FAM107B: variants seen among roughly 807,000 people sequenced by gnomAD.
FAM107B encodes family with sequence similarity 107 member B.
A neutral mutation model predicts 31.5 loss-of-function variants in FAM107B; 21 were observed. That is an observed-to-expected ratio of 0.67 (90% CI 0.47 to 0.96). The LOEUF (loss-of-function observed/expected upper bound fraction) is 0.96. FAM107B is among the 40% of genes least tolerant of loss of function. The pLI is 0.00. For missense variants in FAM107B, 452 were observed against 377.1 expected (o/e 1.20, Z -1.64); for synonymous variants, 157 against 141.5 (o/e 1.11, Z -0.78).
chr10:14,598,799 G>A (rs1472355039), intron 2 of FAM107B, among the ~76,000 whole-genome samples: 1 of 152,160 alleles, frequency 6.6e-6, no homozygotes, highest in African/African-American at 2.4e-5. Context: ...CAAATCTCAG[G>A]GACCACATGT....
intron 1 of FAM107B, among the ~76,000 whole-genome samples, chr10:14,676,228 A>G (rs1386834289): frequency 1.3e-5 from 2 of 152,180 alleles, no homozygotes; most frequent in African/African-American, 4.8e-5. Context: ...TTTGATGGAT[A>G]TGAATAGTCT....
chr10:14,604,133 G>A, intron 2 of FAM107B: 1 of 239,560 alleles, frequency 4.2e-6, no homozygotes, highest in Non-Finnish European at 6.5e-6. Flanking sequence ...CCGCCCGGCC[G>A]CCCGCCCGCC....
At chr10:14,594,093 T>C (rs1352870121) in intron 2 of FAM107B, among the ~76,000 whole-genome samples, 2 of 152,256 alleles carry the variant, frequency 1.3e-5, no homozygotes, top group East Asian at 1.9e-4. Flanking sequence ...GACATAATTA[T>C]GTGTTTTTAA....
intron 1 of FAM107B, among the ~76,000 whole-genome samples, chr10:14,759,953 C>T (rs892672494): frequency 1.3e-5 from 2 of 152,138 alleles, no homozygotes; most frequent in African/African-American, 4.8e-5. Flanking sequence ...CTCAGGTGAT[C>T]CACTCCCCTT....
At chr10:14,767,020 G>GTATATATATA (rs1554757965) in intron 1 of FAM107B, among the ~76,000 whole-genome samples, 7 of 30,408 alleles carry the variant, frequency 2.3e-4, no homozygotes, top group African/African-American at 5.1e-4. Flanking sequence ...TCCCTGATGT[G>GTATATATATA]TATGTATATA....
At chr10:14,611,487 TA>T (rs1852723458) in intron 2 of FAM107B, among the ~76,000 whole-genome samples, 3 of 5,824 alleles carry the variant, frequency 5.2e-4, no homozygotes, top group South Asian at 0.014. Context: ...GCCAGTTTTA[TA>T]TATATATATA....
intron 1 of FAM107B, among the ~76,000 whole-genome samples, chr10:14,749,947 C>T (rs1832795157): frequency 6.6e-6 from 1 of 152,138 alleles, no homozygotes; most frequent in African/African-American, 2.4e-5. Context: ...CTGGGAACGC[C>T]AGGAAGGCTG....
intron 2 of FAM107B, among the ~76,000 whole-genome samples, chr10:14,634,667 G>C (rs74488916): frequency 6.6e-6 from 1 of 152,162 alleles, no homozygotes; most frequent in Non-Finnish European, 1.5e-5. Context: ...GAGCAGGAAG[G>C]GTCTACATTT....
intron 1 of FAM107B, among the ~76,000 whole-genome samples, chr10:14,772,850 C>A (rs1418718437): frequency 6.6e-6 from 1 of 152,160 alleles, no homozygotes; most frequent in East Asian, 1.9e-4. Context: ...GCAACTAAAA[C>A]AGAAAGATAA....
intron 2 of FAM107B, among the ~76,000 whole-genome samples, chr10:14,655,892 C>T (rs1564615886): frequency 6.6e-6 from 1 of 152,108 alleles, no homozygotes; most frequent in African/African-American, 2.4e-5. Flanking sequence ...AATTACTCCT[C>T]AGGGGCTTGA....
intron 2 of FAM107B, among the ~76,000 whole-genome samples, chr10:14,576,827 T>C (rs1851480801): frequency 6.6e-6 from 1 of 152,208 alleles, no homozygotes; most frequent in Non-Finnish European, 1.5e-5. Context: ...AATGAAAACC[T>C]AGTTAAGAAC....
At position 14,587,396 on chromosome 10, in the gene FAM107B, C is replaced by T. The variant is rs1258812176; in HGVS notation, c.470-56881G>A. ...AAGAACTCCCATATTTATCCAATCG[C>T]GGGAAGTTGCTTAGCCCTAGAAGTC... On this transcript the variant is annotated intron_variant, in intron 2 of 4. Coordinates refer to ENST00000181796, the MANE Select transcript of FAM107B (RefSeq NM_031453.4). Among the ~76,000 whole-genome samples the T allele has an allele frequency of 5.3e-5, 8 of 152,218 alleles. No individual in the cohort carries two copies. The South Asian group carries it at 8.3e-4, about 16-fold the overall frequency.
At chr10:14,572,603 G>A (rs907842429) in intron 2 of FAM107B, among the ~76,000 whole-genome samples, 9 of 151,298 alleles carry the variant, frequency 5.9e-5, no homozygotes, top group Admixed American at 2.0e-4. Flanking sequence ...GTGCACCCGT[G>A]GTCCTAGCTA....
chr10:14,765,120 A>G (rs1427927931), intron 1 of FAM107B, among the ~76,000 whole-genome samples: 1 of 152,186 alleles, frequency 6.6e-6, no homozygotes, highest in Non-Finnish European at 1.5e-5. Flanking sequence ...TCTCTCCCCC[A>G]ATATATCAAT....
chr10:14,544,093 T>TG (rs1036630459), intron 2 of FAM107B, among the ~76,000 whole-genome samples: 7 of 152,178 alleles, frequency 4.6e-5, no homozygotes, highest in Admixed American at 4.6e-4. Flanking sequence ...CTCAACTGCT[T>TG]GGCCCAGGGT....
intron 2 of FAM107B, 65 bp from the exon 3 acceptor site, chr10:14,530,580 A>C: frequency 1.3e-6 from 2 of 1,483,836 alleles, no homozygotes. Context: ...ACACATGCAG[A>C]GGCCCACAGA....
At chr10:14,705,157 A>G (rs1049771126) in intron 1 of FAM107B, among the ~76,000 whole-genome samples, 1 of 152,166 alleles carries the variant, frequency 6.6e-6, no homozygotes, top group Non-Finnish European at 1.5e-5. Context: ...CAAAACCACA[A>G]TGAGATACGA....
intron 1 of FAM107B, among the ~76,000 whole-genome samples, chr10:14,716,803 A>C (rs1855788874): frequency 6.6e-6 from 1 of 152,184 alleles, no homozygotes; most frequent in Non-Finnish European, 1.5e-5. Flanking sequence ...ATTTTAAATG[A>C]CTTGCGCCAG....
chr10:14,589,567 T>C (rs1851951491), intron 2 of FAM107B, among the ~76,000 whole-genome samples: 1 of 151,336 alleles, frequency 6.6e-6, no homozygotes, highest in Admixed American at 6.6e-5. Flanking sequence ...TTTTAAACAG[T>C]AATAATAATA....
Sources: gnomAD v4.1 joint callset for allele counts (sites outside exome capture counted in the v4.1 genomes callset) on GRCh38, gnomAD v4.1.1 for gene constraint, MANE v1.5 for transcripts, NCBI Gene and HGNC (gene_info 2026-07-23, HGNC 2026-07-21) for gene names.